LARP1B: variants seen among roughly 807,000 people sequenced by gnomAD.
The protein encoded by LARP1B is la-related protein 1B.
Under a neutral mutation model 114.2 loss-of-function variants are expected in LARP1B, and 76 were observed. The ratio of observed to expected loss-of-function variants is 0.67; its 90% CI spans 0.55 to 0.81. LARP1B has a LOEUF of 0.81. LARP1B is among the 30% of genes least tolerant of loss of function. The pLI is 0.00. For missense variants in LARP1B, 1,014 were observed against 1,075.8 expected (o/e 0.94, Z 0.80); for synonymous variants, 345 against 348.0 (o/e 0.99, Z 0.10).
At chr4:128,072,109 C>T (rs1164205217) in intron 1 of LARP1B, among the ~76,000 whole-genome samples, 1 of 151,978 alleles carries the variant, frequency 6.6e-6, no homozygotes, top group Non-Finnish European at 1.5e-5. Context: ...AAGCGATTCT[C>T]GTGCCTCAGC....
intron 11 of LARP1B, among the ~76,000 whole-genome samples, chr4:128,144,523 TG>T (rs935021407): frequency 2.0e-5 from 3 of 152,142 alleles, no homozygotes; most frequent in Non-Finnish European, 2.9e-5. Context: ...TTTTTTGTTT[TG>T]TTTTTTTGAG....
At chr4:128,173,923 C>A (rs1306914857) in intron 12 of LARP1B, among the ~76,000 whole-genome samples, 2 of 152,138 alleles carry the variant, frequency 1.3e-5, no homozygotes, top group African/African-American at 4.8e-5. Context: ...CAGTCAATGC[C>A]AACATTCCCC....
At chr4:128,125,150 G>A (rs1222690144) in intron 11 of LARP1B, among the ~76,000 whole-genome samples, 1 of 152,172 alleles carries the variant, frequency 6.6e-6, no homozygotes, top group African/African-American at 2.4e-5. Flanking sequence ...AAACTATACA[G>A]AAGTGAAGTA....
At chr4:128,116,897 C>G (rs543769360) in intron 10 of LARP1B, among the ~76,000 whole-genome samples, 1 of 148,624 alleles carries the variant, frequency 6.7e-6, no homozygotes, top group Non-Finnish European at 1.5e-5. Flanking sequence ...TTCTTTTTAT[C>G]AAGTGATTTT....
chr4:128,181,845 G>A (rs887612408), intron 15 of LARP1B, among the ~76,000 whole-genome samples: 3 of 120,960 alleles, frequency 2.5e-5, no homozygotes, highest in South Asian at 5.6e-4. Context: ...TCGCTCTGTC[G>A]CCCAGGCTGG....
chr4:128,213,904 A>T (rs1759304530), downstream of LARP1B, among the ~76,000 whole-genome samples: 1 of 151,842 alleles, frequency 6.6e-6, no homozygotes, highest in African/African-American at 2.4e-5. Context: ...GGTTCATCTC[A>T]CTAGGGAGTG....
intron 11 of LARP1B, among the ~76,000 whole-genome samples, chr4:128,128,888 G>A (rs1790519243): frequency 6.6e-6 from 1 of 152,082 alleles, no homozygotes; most frequent in South Asian, 2.1e-4. Flanking sequence ...AAAGGGGCTG[G>A]GCGCAGTGGC....
chr4:128,155,637 C>A, intron 11 of LARP1B: 3 of 1,434,518 alleles, frequency 2.1e-6, no homozygotes, highest in Non-Finnish European at 2.9e-6. Flanking sequence ...CAGGAGCCAT[C>A]CGGGCCCTGG....
downstream of LARP1B, among the ~76,000 whole-genome samples, chr4:128,214,263 CAAAG>C (rs1759355395): frequency 6.8e-6 from 1 of 148,096 alleles, no homozygotes; most frequent in East Asian, 2.0e-4. Context: ...CTTAGGTAAA[CAAAG>C]CAGCCGGGAA....
intron 11 of LARP1B, chr4:128,155,627 C>T: frequency 1.5e-6 from 2 of 1,321,106 alleles, no homozygotes; most frequent in Admixed American, 1.7e-5. Context: ...CAACCCCAGC[C>T]AGGAGCCATC....
At chr4:128,124,115 T>G (rs978779221) in intron 11 of LARP1B, among the ~76,000 whole-genome samples, 3 of 152,174 alleles carry the variant, frequency 2.0e-5, no homozygotes, top group Non-Finnish European at 2.9e-5. Context: ...CATTGAGTGC[T>G]TACTATGTGC....
intron 10 of LARP1B, among the ~76,000 whole-genome samples, chr4:128,121,527 C>T (rs768692391): frequency 1.3e-5 from 2 of 152,204 alleles, no homozygotes; most frequent in South Asian, 2.1e-4. Flanking sequence ...ACTTTCATAT[C>T]TCTAGGCCTT....
chr4:128,190,123 A>C (rs1223153016), intron 15 of LARP1B, among the ~76,000 whole-genome samples: 2 of 152,328 alleles, frequency 1.3e-5, no homozygotes, highest in African/African-American at 4.8e-5. Context: ...AGTAGTGATG[A>C]ATTCCCTTAG....
chr4:128,117,488 C>A (rs530263664), intron 10 of LARP1B, among the ~76,000 whole-genome samples: 1 of 152,084 alleles, frequency 6.6e-6, no homozygotes, highest in South Asian at 2.1e-4. Context: ...CGGGTTCAAG[C>A]GATTCTCCTG....
chr4:128,072,026 G>T (rs1170301368), intron 1 of LARP1B, among the ~76,000 whole-genome samples: 5 of 151,884 alleles, frequency 3.3e-5, no homozygotes, highest in African/African-American at 7.3e-5. Flanking sequence ...TTGAGATGGA[G>T]TCTCGCTCTG....
intron 11 of LARP1B, chr4:128,122,396 G>GT (rs1788229036): frequency 4.8e-6 from 7 of 1,471,074 alleles, no homozygotes; most frequent in Non-Finnish European, 6.3e-6. Flanking sequence ...GATGAATACT[G>GT]TAATTACAAA....
At chr4:128,164,976 G>GAAAAAATAA (rs569348330) in intron 12 of LARP1B, among the ~76,000 whole-genome samples, 2,696 of 150,786 alleles carry the variant, frequency 0.018, 63 homozygotes, top group East Asian at 0.1. Flanking sequence ...AAAAATATAG[G>GAAAAAATAA]AAAAAATAAA....
chr4:128,120,890 A>C (rs56758161), intron 10 of LARP1B, among the ~76,000 whole-genome samples: 1,478 of 145,786 alleles, frequency 0.01, 24 homozygotes, highest in African/African-American at 0.035. Context: ...GGCTCACTGC[A>C]ACCTCTGGCT....
chr4:128,208,101 G>A (rs1285243529), intron 19 of LARP1B, among the ~76,000 whole-genome samples: 1 of 152,142 alleles, frequency 6.6e-6, no homozygotes, highest in Non-Finnish European at 1.5e-5. Context: ...GCCGAGGCGG[G>A]TGGATCACCT....
Sources: allele counts gnomAD v4.1 joint callset (sites outside exome capture counted in the v4.1 genomes callset), GRCh38; gene constraint gnomAD v4.1.1; transcripts MANE v1.5; gene names NCBI Gene and HGNC (gene_info 2026-07-23, HGNC 2026-07-21).